The following PDE7A variants were observed in gnomAD, a reference collection of about 807,000 sequenced individuals.
PDE7A encodes phosphodiesterase 7A.
PDE7A carries 39 observed loss-of-function variants against 64.3 expected under a neutral mutation model. That is an observed-to-expected ratio of 0.61 (90% CI 0.47 to 0.79). The LOEUF (loss-of-function observed/expected upper bound fraction) is 0.79, where lower values mean the gene tolerates loss of function less well. Among genes scored for constraint, PDE7A ranks in the 30% least tolerant of loss-of-function variants. PDE7A has a pLI of 0.00. For synonymous variants in PDE7A, 203 were observed against 206.8 expected (o/e 0.98, Z 0.16); for missense variants, 470 against 582.8 (o/e 0.81, Z 1.99).
intron 1 of PDE7A, among the ~76,000 whole-genome samples, chr8:65,793,537 T>C (rs893874594): frequency 4.7e-4 from 70 of 148,442 alleles, no homozygotes; most frequent in Middle Eastern, 3.5e-3. Context: ...AGATAATAAG[T>C]GAAGACAATC....
intron 7 of PDE7A, among the ~76,000 whole-genome samples, chr8:65,731,886 T>C (rs1251848033): frequency 6.6e-6 from 1 of 152,206 alleles, no homozygotes; most frequent in Non-Finnish European, 1.5e-5. Flanking sequence ...GACTCCTTAG[T>C]TATGTACTGT....
At chr8:65,782,218 G>A (rs1809438654) in intron 2 of PDE7A, among the ~76,000 whole-genome samples, 1 of 152,186 alleles carries the variant, frequency 6.6e-6, no homozygotes, top group Non-Finnish European at 1.5e-5. Flanking sequence ...GTGCAAGGAT[G>A]AAGGAGACAT....
chr8:65,786,424 TAGGTAGAATAATCTAAAGTAGGA>T (rs1809560613), intron 1 of PDE7A, among the ~76,000 whole-genome samples: 1 of 152,178 alleles, frequency 6.6e-6, no homozygotes, highest in South Asian at 2.1e-4. Flanking sequence ...GTTCTCTCAC[TAGGTAGAATAATCTAAAGTAGGA>T]AGGTAGAATA....
chr8:65,798,206 A>ATATATATATATATATATATATTTTTT, intron 1 of PDE7A, among the ~76,000 whole-genome samples: 5 of 73,810 alleles, frequency 6.8e-5, no homozygotes, highest in African/African-American at 2.3e-4. Flanking sequence ...ATATATATAT[A>ATATATATATATATATATATATTTTTT]TTTTTTTTTT....
chr8:65,799,119 A>C (rs1809928398), intron 1 of PDE7A, among the ~76,000 whole-genome samples: 1 of 152,276 alleles, frequency 6.6e-6, no homozygotes, highest in East Asian at 1.9e-4. Context: ...AAAGGGCCCC[A>C]AAAGAACTTT....
At position 65,714,675 on chromosome 8, in the gene PDE7A, A is replaced by G. The variant is rs912546162; in HGVS notation, c.*4615T>C. 1 of 152,222 alleles carries G rather than the reference A, an allele frequency of 6.6e-6. No individual in the cohort carries two copies. Among genetic ancestry groups the G allele is most frequent in the African/African-American group, 2.4e-5 (1 of 41,460 alleles). 9.4% of individuals were successfully genotyped at this position (152,222 alleles called of 1,614,324 possible). Reference sequence around the variant, plus strand: ...GTATTTTCTCAATCAGGAGATACCGATTGAGGGGATTTTAAACAACATTTA... The same window carrying G: ...GTATTTTCTCAATCAGGAGATACCGGTTGAGGGGATTTTAAACAACATTTA... On this transcript the variant is annotated 3_prime_UTR_variant, in exon 13 of 13. Coordinates refer to ENST00000401827, the MANE Select transcript of PDE7A (RefSeq NM_001242318.3).
chr8:65,740,698 G>A (rs1807385187), intron 5 of PDE7A, among the ~76,000 whole-genome samples: 2 of 152,108 alleles, frequency 1.3e-5, no homozygotes, highest in African/African-American at 4.8e-5. Flanking sequence ...ACCACGCCTG[G>A]CCAAGTTTCC....
At chr8:65,768,749 ACTT>A (rs1444746347) in intron 3 of PDE7A, among the ~76,000 whole-genome samples, 3 of 152,214 alleles carry the variant, frequency 2.0e-5, no homozygotes, top group Non-Finnish European at 4.4e-5. Context: ...GTTAACAATG[ACTT>A]CTTTATGTAA....
intron 1 of PDE7A, among the ~76,000 whole-genome samples, chr8:65,822,481 G>A (rs1810566018): frequency 6.6e-6 from 1 of 152,186 alleles, no homozygotes; most frequent in African/African-American, 2.4e-5. Context: ...ATAATGGTTT[G>A]ATTCACTTTC....
chr8:65,828,012 T>C (rs1563522876), intron 1 of PDE7A, among the ~76,000 whole-genome samples: 1 of 152,170 alleles, frequency 6.6e-6, no homozygotes, highest in Non-Finnish European at 1.5e-5. Flanking sequence ...CATTAGATTA[T>C]TAACTAACTA....
chr8:65,773,982 A>G (rs1009638308), intron 3 of PDE7A, among the ~76,000 whole-genome samples: 1 of 152,168 alleles, frequency 6.6e-6, no homozygotes, highest in African/African-American at 2.4e-5. Flanking sequence ...TGATTTCCTT[A>G]CCCACAGCCA....
intron 1 of PDE7A, among the ~76,000 whole-genome samples, chr8:65,828,636 T>C (rs958147491): frequency 4.6e-5 from 7 of 152,148 alleles, no homozygotes; most frequent in African/African-American, 1.7e-4. Context: ...TATCTACATT[T>C]AAAATTTTCA....
At chr8:65,749,089 GC>G (rs1807813823) in intron 3 of PDE7A, among the ~76,000 whole-genome samples, 1 of 152,144 alleles carries the variant, frequency 6.6e-6, no homozygotes, top group South Asian at 2.1e-4. Context: ...TCAGTACACT[GC>G]CCCTATCTTG....
At chr8:65,737,680 G>A (rs1265496526) in intron 6 of PDE7A, among the ~76,000 whole-genome samples, 4 of 151,834 alleles carry the variant, frequency 2.6e-5, no homozygotes, top group African/African-American at 7.3e-5. Context: ...CTCCACACCC[G>A]ACTAATTTTT....
In PDE7A at chr8:65,831,573, G is replaced by T. The variant is rs935064599; in HGVS notation, c.138+9798C>A. ...AACTATACTTAATTTTACCTCCCAG[G>T]ATCTCTCATGGAAAGTAAAATTACT... is the stretch of plus-strand genomic sequence containing the variant. On this transcript the variant is annotated intron_variant, in intron 1 of 12. Coordinates refer to ENST00000401827, the MANE Select transcript of PDE7A (RefSeq NM_001242318.3). Among the ~76,000 whole-genome samples, 7 of 151,430 alleles carry T rather than the reference G, an allele frequency of 4.6e-5. No individual in the cohort carries two copies. The East Asian group carries it at 1.4e-3, about 29-fold the overall frequency.
At chr8:65,840,661 C>A (rs1472213715) in intron 1 of PDE7A, among the ~76,000 whole-genome samples, 2 of 152,200 alleles carry the variant, frequency 1.3e-5, no homozygotes, top group African/African-American at 4.8e-5. Flanking sequence ...AACGGCATCA[C>A]CACAGGAAAA....
intron 3 of PDE7A, among the ~76,000 whole-genome samples, chr8:65,750,247 C>T (rs1042466435): frequency 4.6e-5 from 7 of 151,996 alleles, no homozygotes; most frequent in Admixed American, 3.3e-4. Context: ...GCATTAGAGC[C>T]GACACACTTA....
At chr8:65,798,206 A>ATATATATATATATTTTTTTTTTTTTT in intron 1 of PDE7A, among the ~76,000 whole-genome samples, 1 of 73,834 alleles carries the variant, frequency 1.4e-5, no homozygotes, top group African/African-American at 5.8e-5. Context: ...ATATATATAT[A>ATATATATATATATTTTTTTTTTTTTT]TTTTTTTTTT....
At chr8:65,725,271 G>A (rs565251299) in intron 9 of PDE7A, 2 of 162,548 alleles carry the variant, frequency 1.2e-5, no homozygotes, top group East Asian at 3.6e-4. Flanking sequence ...TCTTTTGCTG[G>A]AAAATTCTCA....
Sources: gnomAD v4.1 joint callset for allele counts (sites outside exome capture counted in the v4.1 genomes callset) on GRCh38, gnomAD v4.1.1 for gene constraint, MANE v1.5 for transcripts, NCBI Gene and HGNC (gene_info 2026-07-23, HGNC 2026-07-21) for gene names.